Variants in PRKG1 observed in about 807,000 individuals in gnomAD.
The protein encoded by PRKG1 is cGMP-dependent protein kinase 1.
Under a neutral mutation model 88.1 loss-of-function variants are expected in PRKG1, and 35 were observed. The observed-to-expected ratio is 0.40, with a 90% CI of 0.30 to 0.53. The LOEUF is 0.53. Among genes scored for constraint, PRKG1 ranks in the 20% least tolerant of loss-of-function variants. The probability of loss-of-function intolerance (pLI) is 0.59; values close to 1 mark genes in which losing one functional copy is unlikely to be tolerated. For missense variants in PRKG1, 540 were observed against 839.8 expected, an observed-to-expected ratio of 0.64 and a Z score of 4.41; for synonymous variants, 303 against 292.5, an observed-to-expected ratio of 1.04 and a Z score of -0.37.
At chr10:51,868,621 C>T (rs181925102) in intron 4 of PRKG1, among the ~76,000 whole-genome samples, 230 of 152,136 alleles carry the variant, frequency 1.5e-3, no homozygotes, top group African/African-American at 5.2e-3. Context: ...TTACAGTGCC[C>T]TGCCCAACCC....
chr10:51,184,883 G>A (rs969050532), intron 2 of PRKG1, among the ~76,000 whole-genome samples: 2 of 152,102 alleles, frequency 1.3e-5, no homozygotes, highest in African/African-American at 2.4e-5. Flanking sequence ...CAGAAATGGA[G>A]CTCTGGCACT....
chr10:51,467,923 T>A (rs1446144924), intron 3 of PRKG1, 87 bp downstream of exon 3: 3 of 1,063,772 alleles, frequency 2.8e-6, no homozygotes, highest in Admixed American at 3.9e-5. Flanking sequence ...ATTCATTTAA[T>A]CTTTATACTT....
intron 1 of PRKG1, among the ~76,000 whole-genome samples, chr10:51,033,810 C>T (rs1364466970): frequency 6.6e-6 from 1 of 151,796 alleles, no homozygotes; most frequent in South Asian, 2.1e-4. Flanking sequence ...AAAGTAAATA[C>T]CCTCAACTCA....
chr10:51,366,734 A>G (rs1178865363), intron 2 of PRKG1, among the ~76,000 whole-genome samples: 2 of 152,008 alleles, frequency 1.3e-5, no homozygotes, highest in Non-Finnish European at 2.9e-5. Context: ...AAGATTATAA[A>G]AAATCATTTC....
At chr10:51,698,571 G>T (rs760010167) in intron 3 of PRKG1, 1 of 1,613,914 alleles carries the variant, frequency 6.2e-7, no homozygotes, top group African/African-American at 1.3e-5. Context: ...AACAGTCCTC[G>T]AGGAGGCAGA....
chr10:51,058,576 GC>G (rs1383352358), intron 1 of PRKG1, among the ~76,000 whole-genome samples: 2 of 152,044 alleles, frequency 1.3e-5, no homozygotes, highest in African/African-American at 4.8e-5. Context: ...GTTCATTCTT[GC>G]TTCTCTAGGT....
chr10:50,991,328 C>CGCCGCT lies in PRKG1; in HGVS notation c.-46_-45insTGCCGC, dbSNP rs1554828354. 84 of 1,481,730 alleles carry CGCCGCT rather than the reference C, an allele frequency of 5.7e-5. 2 individuals carry two copies. The highest frequency in any genetic ancestry group is 2.0e-4 in the Middle Eastern group (1 of 5,128). The allele number at this position is 1,481,730 out of a possible 1,614,324, so 91.8% of individuals were successfully genotyped here. A position where few individuals can be genotyped will look rare whatever the true frequency, so the allele number is the denominator to read the frequency against. On this transcript the variant is annotated 5_prime_UTR_variant, in exon 1 of 18. Coordinates refer to the PRKG1 transcript ENST00000401604. The surrounding 1 kb of genome is among the most constrained non-coding windows in gnomAD (Gnocchi z 4.5). ...CCGTCCCAGCCGCCGCCGCCGCCGCCGCCGCCGCCGCCGCCCGAGAAAAAG... is the reference window on the plus strand; with the variant it reads ...CCGTCCCAGCCGCCGCCGCCGCCGCCGCCGCTGCCGCCGCCGCCGCCCGAGAAAAAG...
At chr10:52,268,167 A>G (rs1018623994) in intron 10 of PRKG1, among the ~76,000 whole-genome samples, 2 of 152,142 alleles carry the variant, frequency 1.3e-5, no homozygotes, top group African/African-American at 2.4e-5. Context: ...TATAGAGTCC[A>G]AAGAAGGAAG....
chr10:52,066,718 G>A (rs1017239533), intron 7 of PRKG1, among the ~76,000 whole-genome samples: 1 of 151,990 alleles, frequency 6.6e-6, no homozygotes, highest in Non-Finnish European at 1.5e-5. Context: ...ATGTAACCTC[G>A]GCTTTTTAAG....
intron 10 of PRKG1, among the ~76,000 whole-genome samples, chr10:52,264,207 G>A (rs1315695244): frequency 6.6e-6 from 1 of 151,958 alleles, no homozygotes; most frequent in African/African-American, 2.4e-5. Flanking sequence ...GGGAAATGAT[G>A]GAGGTGGAAC....
At chr10:51,786,380 G>A (rs971027291) in intron 3 of PRKG1, among the ~76,000 whole-genome samples, 4 of 151,220 alleles carry the variant, frequency 2.6e-5, no homozygotes, top group Admixed American at 6.6e-5. Context: ...TAAGGAAATA[G>A]GATTTTTTAT....
chr10:51,466,872 G>A (rs1839920581), intron 2 of PRKG1, among the ~76,000 whole-genome samples: 1 of 151,938 alleles, frequency 6.6e-6, no homozygotes, highest in Non-Finnish European at 1.5e-5. Flanking sequence ...TGTAGACTGT[G>A]GATAAATAAC....
chr10:51,887,326 T>C (rs1037996938), intron 4 of PRKG1, among the ~76,000 whole-genome samples: 27 of 152,324 alleles, frequency 1.8e-4, no homozygotes, highest in African/African-American at 6.3e-4. Context: ...ATAAGTGACA[T>C]TTAGATTGTT....
intron 8 of PRKG1, among the ~76,000 whole-genome samples, chr10:52,145,772 C>T (rs1837713365): frequency 6.6e-6 from 1 of 152,116 alleles, no homozygotes; most frequent in African/African-American, 2.4e-5. Context: ...AGATCTAAGA[C>T]TTTTCTTTTC....
chr10:51,096,010 T>G (rs894315221), intron 1 of PRKG1, among the ~76,000 whole-genome samples: 2 of 152,198 alleles, frequency 1.3e-5, no homozygotes, highest in African/African-American at 4.8e-5. Flanking sequence ...TGTTTGTGCT[T>G]GAATTTATGT....
intron 3 of PRKG1, among the ~76,000 whole-genome samples, chr10:51,637,539 CTAGA>C (rs578055458): frequency 7.2e-5 from 11 of 152,206 alleles, no homozygotes; most frequent in African/African-American, 2.6e-4. Context: ...CAATGATAGA[CTAGA>C]TAAAGAAAAT....
intron 1 of PRKG1, among the ~76,000 whole-genome samples, chr10:51,100,225 C>T (rs931298204): frequency 1.3e-5 from 2 of 152,140 alleles, no homozygotes; most frequent in African/African-American, 2.4e-5. Context: ...AATTACTTAA[C>T]ATATTCTATT....
rs917921601 is a variant in PRKG1 at position 52,237,578 on chromosome 10, A to G, written c.1077-13992A>G. Among the ~76,000 whole-genome samples the G allele has an allele frequency of 2.2e-3, 315 of 142,894 alleles. 2 individuals are homozygous for G. Among genetic ancestry groups the G allele is most frequent in the African/African-American group, 7.9e-3 (292 of 37,044 alleles). The allele number at this position is 142,894 out of a possible 152,430, so 93.7% of individuals were successfully genotyped here. A position where few individuals can be genotyped will look rare whatever the true frequency, so the allele number is the denominator to read the frequency against. On this transcript the variant is annotated intron_variant, in intron 9 of 17. Transcript: ENST00000373980. ...TGAACTCCCATTCACGATTGCTTCA[A>G]AGAGAATAAAATACCTAGGAATCCA...
chr10:51,396,512 T>G (rs555557954), intron 2 of PRKG1, among the ~76,000 whole-genome samples: 3 of 152,226 alleles, frequency 2.0e-5, no homozygotes, highest in Admixed American at 6.5e-5. Flanking sequence ...CATGTTGCCC[T>G]GGACAATGAA....
Sources: allele counts gnomAD v4.1 joint callset (sites outside exome capture counted in the v4.1 genomes callset), GRCh38; gene constraint gnomAD v4.1.1; non-coding constraint Gnocchi (gnomAD v3.1); transcripts MANE v1.5; gene names NCBI Gene and HGNC (gene_info 2026-07-23, HGNC 2026-07-21).